Variants in KCNK18 observed in about 807,000 individuals in gnomAD.
The protein encoded by KCNK18 is potassium channel subfamily K member 18.
Under a neutral mutation model 11.8 loss-of-function variants are expected in KCNK18, and 8 were observed. That is an observed-to-expected ratio of 0.68 (90% confidence interval 0.40 to 1.22). The LOEUF is 1.22. KCNK18 is among the 50% of genes most tolerant of loss of function. The pLI is 0.01. For missense variants in KCNK18, 442 were observed against 465.4 expected (o/e 0.95, Z 0.46); for synonymous variants, 208 against 185.8 (o/e 1.12, Z -0.97).
chr10:117,206,115 CA>C (rs1302369094), intron 2 of KCNK18, among the ~76,000 whole-genome samples: 1 of 152,070 alleles, frequency 6.6e-6, no homozygotes, highest in East Asian at 1.9e-4. Context: ...TAAATTCCCA[CA>C]AACTCAGTGG....
intron 2 of KCNK18, among the ~76,000 whole-genome samples, chr10:117,209,204 G>A (rs764102077): frequency 6.6e-6 from 1 of 152,086 alleles, no homozygotes; most frequent in Non-Finnish European, 1.5e-5. Context: ...CAGAATCAAA[G>A]GCAATCTGTT....
intron 1 of KCNK18, among the ~76,000 whole-genome samples, chr10:117,199,676 T>A (rs1384950016): frequency 6.6e-6 from 1 of 152,262 alleles, no homozygotes; most frequent in East Asian, 1.9e-4. Context: ...CATCTCAGGC[T>A]GTCTCTCTGA....
intron 2 of KCNK18, among the ~76,000 whole-genome samples, chr10:117,206,499 T>C (rs763414902): frequency 2.6e-5 from 4 of 152,186 alleles, no homozygotes; most frequent in Non-Finnish European, 5.9e-5. Flanking sequence ...TAAGGTAGCA[T>C]TGACAGATTC....
intron 1 of KCNK18, among the ~76,000 whole-genome samples, chr10:117,200,683 G>A (rs1285107757): frequency 6.6e-6 from 1 of 151,978 alleles, no homozygotes; most frequent in South Asian, 2.1e-4. Context: ...GTGGTAGTAC[G>A]CCCCTGTAGT....
intron 2 of KCNK18, among the ~76,000 whole-genome samples, chr10:117,202,989 G>A (rs1855033155): frequency 7.1e-6 from 1 of 139,998 alleles, no homozygotes; most frequent in Admixed American, 7.8e-5. Context: ...TGATTCTTGT[G>A]TCTCAGTCCC....
chr10:117,197,771 A>G, intron 1 of KCNK18, 60 bp downstream of exon 1: 1 of 1,462,332 alleles, frequency 6.8e-7, no homozygotes, highest in Non-Finnish European at 9.5e-7. Context: ...GTCCCCCAAG[A>G]GCAGAGGGCT....
Position 117,201,258 on chromosome 10 carries a change from T to C in KCNK18, c.323T>C (p.Phe108Ser), listed in dbSNP as rs555249651. The C allele has an allele frequency of 2.1e-5, 34 of 1,613,980 alleles. No individual in the cohort carries two copies. In the Admixed American group the frequency reaches 3.2e-4, roughly 15 times the overall value. Residue 108 changes from phenylalanine to serine, a missense_variant, in exon 2 of 3, where the codon TTT (phenylalanine) becomes TCT (serine). Coordinates refer to ENST00000334549, the MANE Select transcript of KCNK18 (RefSeq NM_181840.1). Reference protein sequence around the residue: ...TTHWSFLSSLFFCCTVFSTVG... With the variant: ...TTHWSFLSSLSFCCTVFSTVG... ...CACTGGTCCTTCCTGAGCTCGCTCT[T>C]TTTCTGCTGCACGGTGTTCAGCACC... is the stretch of plus-strand genomic sequence containing the variant.
At chr10:117,209,435 G>C (rs762370971) in intron 2 of KCNK18, 62 bp from the exon 3 acceptor site, 1 of 1,391,692 alleles carries the variant, frequency 7.2e-7, no homozygotes, top group East Asian at 2.3e-5. Context: ...TCTCTTTAAA[G>C]CTTTTGGGGG....
Position 117,210,240 on chromosome 10 carries a change from T to A in KCNK18, c.1096T>A (p.Tyr366Asn). Residue 366 changes from tyrosine to asparagine, a missense_variant, in exon 3 of 3, where the codon TAC becomes AAC. Transcript: ENST00000334549. The part of the protein sequence containing the change: ...KLVQNRLIDI[Y>N]KNVMLFFAKG... ...GGTGCAAAACAGGCTGATTGACATA[T>A]ACAAAAATGTTATGCTATTCTTTGC... 6.2e-7 allele frequency: 1 copy of A among 1,614,228 alleles called. No individual in the cohort carries two copies. The highest frequency in any genetic ancestry group is 1.1e-5 in the South Asian group (1 of 91,086).
At chr10:117,202,886 C>CTTTTTTTTTTTTTT (rs201850637) in intron 2 of KCNK18, among the ~76,000 whole-genome samples, 2 of 123,002 alleles carry the variant, frequency 1.6e-5, no homozygotes, top group African/African-American at 6.8e-5. Flanking sequence ...TGCCTGAATG[C>CTTTTTTTTTTTTTT]TTTTTTTTTT....
In KCNK18 at chr10:117,198,256, C is replaced by T. The variant is rs938151424; in HGVS notation, c.223+545C>T. Among the ~76,000 whole-genome samples the T allele has an allele frequency of 5.9e-5, 9 of 152,042 alleles. No homozygotes were observed. The East Asian group carries it at 9.7e-4, about 16-fold the overall frequency. ...ACTCCTTTTCTGCTGTCTGGCTCAG[C>T]GGAGTGGGGAGGTGTTGTGAGAAGA... On this transcript the variant is annotated intron_variant, in intron 1 of 2. Transcript: ENST00000334549.
chr10:117,207,264 T>C (rs1305158229), intron 2 of KCNK18, among the ~76,000 whole-genome samples: 1 of 152,086 alleles, frequency 6.6e-6, no homozygotes, highest in Non-Finnish European at 1.5e-5. Context: ...CCTGACCTCA[T>C]ATGATCTGTC....
At chr10:117,198,019 T>C (rs1002412046) in intron 1 of KCNK18, among the ~76,000 whole-genome samples, 1 of 152,238 alleles carries the variant, frequency 6.6e-6, no homozygotes, top group African/African-American at 2.4e-5. Context: ...ACCAGTGGCC[T>C]CAGGGGACGA....
intron 2 of KCNK18, 146 bp downstream of exon 2, chr10:117,201,433 A>G: frequency 1.2e-6 from 1 of 865,990 alleles, no homozygotes; most frequent in Non-Finnish European, 1.9e-6. Flanking sequence ...TTGCACACCT[A>G]CAAATAGCAG....
At chr10:117,202,476 C>T (rs1396244080) in intron 2 of KCNK18, among the ~76,000 whole-genome samples, 3 of 152,232 alleles carry the variant, frequency 2.0e-5, no homozygotes, top group Admixed American at 6.5e-5. Flanking sequence ...AGTGCCCATT[C>T]GCAGTCATGG....
chr10:117,208,455 C>G (rs1855103750), intron 2 of KCNK18, among the ~76,000 whole-genome samples: 2 of 152,186 alleles, frequency 1.3e-5, no homozygotes, highest in East Asian at 1.9e-4. Flanking sequence ...ATAAAAAAAA[C>G]CTGAAAATAT....
chr10:117,200,172 G>A (rs1242038762), intron 1 of KCNK18, among the ~76,000 whole-genome samples: 1 of 152,160 alleles, frequency 6.6e-6, no homozygotes, highest in African/African-American at 2.4e-5. Flanking sequence ...CCACTCCCCA[G>A]GTTCAAGCAA....
intron 2 of KCNK18, among the ~76,000 whole-genome samples, chr10:117,206,360 G>A (rs530881087): frequency 6.6e-6 from 1 of 152,052 alleles, no homozygotes; most frequent in Non-Finnish European, 1.5e-5. Context: ...TCTTCTCTGT[G>A]TAAAATATCT....
chr10:117,201,213 A>G lies in KCNK18; in HGVS notation c.278A>G (p.Gln93Arg), dbSNP rs769770671. 3 of 1,614,168 alleles carry G rather than the reference A, an allele frequency of 1.9e-6. No individual in the cohort carries two copies. Among genetic ancestry groups the G allele is most frequent in the Non-Finnish European group, 2.5e-6 (3 of 1,180,016 alleles). ...GGGCATCTGCAGAAGGTGAAGCCTC[A>G]GTGGTTTAACAGGACCACACACTGG... ...LQGHLQKVKPQWFNRTTHWSF... is the reference protein window; with the variant it reads ...LQGHLQKVKPRWFNRTTHWSF... Residue 93 changes from glutamine to arginine, a missense_variant, in exon 2 of 3, where the codon CAG (glutamine) becomes CGG (arginine). By Grantham distance (43) the Gln-to-Arg change is conservative (BLOSUM62 1). Transcript: ENST00000334549.
Sources: allele counts gnomAD v4.1 joint callset (sites outside exome capture counted in the v4.1 genomes callset), GRCh38; gene constraint gnomAD v4.1.1; transcripts MANE v1.5; gene names NCBI Gene and HGNC (gene_info 2026-07-23, HGNC 2026-07-21).